Variants in TBC1D30 observed in about 807,000 individuals in gnomAD.
TBC1D30 encodes the protein TBC1 domain family member 30.
A neutral mutation model predicts 63.2 loss-of-function variants in TBC1D30; 31 were observed. The observed-to-expected ratio is 0.49, with a 90% CI of 0.37 to 0.66. The LOEUF is 0.66. TBC1D30 is among the 30% of genes least tolerant of loss of function. The pLI is 0.00. For synonymous variants in TBC1D30, 307 were observed against 361.5 expected, an observed-to-expected ratio of 0.85 and a Z score of 1.71; for missense variants, 810 against 953.6, an observed-to-expected ratio of 0.85 and a Z score of 1.98.
chr12:64,823,261 A>G (rs1874000236), upstream of TBC1D30, among the ~76,000 whole-genome samples: 1 of 152,038 alleles, frequency 6.6e-6, no homozygotes, highest in Non-Finnish European at 1.5e-5. Context: ...AATACTACTG[A>G]ATGAAATGTA....
At chr12:64,840,924 G>A (rs2136396660) in intron 7 of TBC1D30, among the ~76,000 whole-genome samples, 1 of 152,316 alleles carries the variant, frequency 6.6e-6, no homozygotes, top group East Asian at 1.9e-4. Flanking sequence ...ATAAGTGCCT[G>A]CAGTGCCTGC....
chr12:64,781,153 C>G (rs772682393), exon 1 of TBC1D30: 6 of 1,019,736 alleles, frequency 5.9e-6, no homozygotes, highest in African/African-American at 5.2e-5. Flanking sequence ...GCGACAGCCT[C>G]GACAGCTCCA....
At chr12:64,768,079 C>T (rs960808687) in intron 1 of TBC1D30, among the ~76,000 whole-genome samples, 3 of 152,090 alleles carry the variant, frequency 2.0e-5, no homozygotes, top group African/African-American at 7.2e-5. Flanking sequence ...ACAGGCAGGG[C>T]TGACTACATA....
intron 2 of TBC1D30, among the ~76,000 whole-genome samples, chr12:64,786,803 C>T (rs1282449676): frequency 6.6e-6 from 1 of 151,674 alleles, no homozygotes; most frequent in Admixed American, 6.6e-5. Flanking sequence ...ATTAGCTGGT[C>T]GTGGTGGCTG....
intron 2 of TBC1D30, among the ~76,000 whole-genome samples, chr12:64,809,665 G>A (rs1054649534): frequency 1.4e-4 from 22 of 152,016 alleles, no homozygotes; most frequent in Non-Finnish European, 2.5e-4. Context: ...CGAACTATCC[G>A]CCTTCTGGCC....
In TBC1D30 at chr12:64,850,144, G is replaced by A. The variant is rs552338360; in HGVS notation, c.1038+6659G>A. The stretch of plus-strand genomic sequence containing the variant: ...TTTTATATCCTGACACTTTGTTGAA[G>A]TTGCTTATCAGCTTAAGGAGATTTT... On this transcript the variant is annotated intron_variant, in intron 8 of 11. Coordinates refer to ENST00000539867, the MANE Select transcript of TBC1D30 (RefSeq NM_015279.2). Among the ~76,000 whole-genome samples the A allele has an allele frequency of 1.1e-4, 16 of 152,342 alleles. 1 individual carries two copies. The highest frequency in any genetic ancestry group is 2.9e-4 in the African/African-American group (12 of 41,582).
At chr12:64,786,231 T>C (rs563697031) in intron 2 of TBC1D30, among the ~76,000 whole-genome samples, 17 of 152,388 alleles carry the variant, frequency 1.1e-4, no homozygotes, top group African/African-American at 4.1e-4. Flanking sequence ...ACTTCATGTC[T>C]AATGTTACAA....
chr12:64,771,589 C>T (rs1329985018), intron 1 of TBC1D30, among the ~76,000 whole-genome samples: 3 of 152,202 alleles, frequency 2.0e-5, no homozygotes, highest in Admixed American at 6.5e-5. Flanking sequence ...CACTGCTTCT[C>T]TCTCAGCTCA....
At chr12:64,838,130 T>C (rs1875531720) in intron 6 of TBC1D30, among the ~76,000 whole-genome samples, 1 of 152,184 alleles carries the variant, frequency 6.6e-6, no homozygotes. Flanking sequence ...GCCAGATCTT[T>C]AGTTGGAAAT....
chr12:64,860,017 C>CT (rs534789255), intron 8 of TBC1D30, among the ~76,000 whole-genome samples: 3,389 of 138,034 alleles, frequency 0.025, 107 homozygotes, highest in African/African-American at 0.068. Flanking sequence ...GATTCTTCTT[C>CT]TTTTTTTTTT....
intron 8 of TBC1D30, among the ~76,000 whole-genome samples, chr12:64,850,161 G>A (rs1248657645): frequency 6.6e-6 from 1 of 152,202 alleles, no homozygotes; most frequent in Non-Finnish European, 1.5e-5. Context: ...ATCAGCTTAA[G>A]GAGATTTTGG....
chr12:64,870,654 A>T lies in TBC1D30; in HGVS notation c.1344A>T (p.Pro448=). The T allele has an allele frequency of 6.5e-7, 1 of 1,536,238 alleles. No individual in the cohort carries two copies. Among genetic ancestry groups the T allele is most frequent in the Non-Finnish European group, 8.7e-7 (1 of 1,146,912 alleles). ...LRSNNIAELS[P]GAINSCRSEY... ...CTAATAACATTGCAGAGCTGAGTCC[A>T]GGAGCAATCAATTCCTGTCGAAGTG... The change falls in exon 11 of 12, where the codon CCA becomes CCT. Residue 448 remains proline (P), a synonymous_variant. Transcript: ENST00000539867.
chr12:64,807,918 G>GTTTTTTTTTTTTTTTTTTTTTTTTTTTTT (rs774145443), intron 2 of TBC1D30, among the ~76,000 whole-genome samples: 8 of 93,498 alleles, frequency 8.6e-5, no homozygotes, highest in African/African-American at 3.9e-4. Flanking sequence ...CCTAATTTAA[G>GTTTTTTTTTTTTTTTTTTTTTTTTTTTTT]TTTTTTTTTT....
intron 1 of TBC1D30, among the ~76,000 whole-genome samples, chr12:64,770,708 CT>C (rs756602085): frequency 0.014 from 2,039 of 143,836 alleles, 40 homozygotes; most frequent in African/African-American, 0.039. Flanking sequence ...CCTTTTTCTT[CT>C]TTTTTTTTTT....
intron 1 of TBC1D30, among the ~76,000 whole-genome samples, chr12:64,767,200 T>C (rs887364786): frequency 1.3e-5 from 2 of 150,878 alleles, no homozygotes; most frequent in African/African-American, 4.9e-5. Flanking sequence ...AGAGCAGAAA[T>C]TAATGAAACG....
At chr12:64,833,512 G>A (rs1875055925) in intron 5 of TBC1D30, among the ~76,000 whole-genome samples, 1 of 152,162 alleles carries the variant, frequency 6.6e-6, no homozygotes, top group Non-Finnish European at 1.5e-5. Flanking sequence ...TAGTCTTCGT[G>A]TTCAAGAACC....
At chr12:64,844,107 G>C (rs973396472) in intron 8 of TBC1D30, among the ~76,000 whole-genome samples, 1 of 152,048 alleles carries the variant, frequency 6.6e-6, no homozygotes, top group Admixed American at 6.6e-5. Flanking sequence ...TTAGACTTGT[G>C]GGGGGAAACA....
At chr12:64,849,043 T>C (rs534588710) in intron 8 of TBC1D30, among the ~76,000 whole-genome samples, 2 of 152,362 alleles carry the variant, frequency 1.3e-5, no homozygotes, top group Non-Finnish European at 2.9e-5. Context: ...GAGCTTTCTT[T>C]CATATGTTTG....
rs1210881726 is a variant in TBC1D30, at chr12:64,870,715, C to G, written c.1405C>G (p.Arg469Gly). The G allele has an allele frequency of 1.3e-6, 2 of 1,536,020 alleles. No individual in the cohort carries two copies. Among genetic ancestry groups the G allele is most frequent in the Non-Finnish European group, 1.7e-6 (2 of 1,146,880 alleles). Reference protein sequence around the residue: ...HAAFNSMMMERMTTDINALKR... With the variant: ...HAAFNSMMMEGMTTDINALKR... Reference sequence around the variant, plus strand: ...AGCTTTTAACAGTATGATGATGGAACGCATGACCACAGATATCAATGCACT... The same window carrying G: ...AGCTTTTAACAGTATGATGATGGAAGGCATGACCACAGATATCAATGCACT... The change falls in exon 11 of 12, where the codon CGC becomes GGC. Residue 469 changes from arginine (R) to glycine (G), a missense_variant. By Grantham distance (125) the Arg-to-Gly change is moderately radical. Around this residue, in one of 4 missense-constraint regions of TBC1D30, gnomAD observed 450 missense variants for 473.0 expected, o/e 0.95. Coordinates refer to ENST00000539867, the MANE Select transcript of TBC1D30 (RefSeq NM_015279.2).
Sources: allele counts gnomAD v4.1 joint callset (sites outside exome capture counted in the v4.1 genomes callset), GRCh38; gene constraint gnomAD v4.1.1; regional missense constraint gnomAD v4.1.1; transcripts MANE v1.5; gene names NCBI Gene and HGNC (gene_info 2026-07-23, HGNC 2026-07-21).